The following SLC15A2 variants were observed in gnomAD, a reference collection of about 807,000 sequenced individuals.
The protein encoded by SLC15A2 is kidney H(+)/peptide cotransporter.
In SLC15A2, 77 loss-of-function variants were observed where a neutral mutation model predicts 95.5. That is an observed-to-expected ratio of 0.81 (90% CI 0.67 to 0.97). The LOEUF is 0.97. Among genes scored for constraint, SLC15A2 ranks in the 50% least tolerant of loss-of-function variants. The pLI is 0.00. For synonymous variants in SLC15A2, 306 were observed against 306.9 expected (o/e 1.00, Z 0.03); for missense variants, 893 against 874.4 (o/e 1.02, Z -0.27).
intron 18 of SLC15A2, 63 bp from the exon 19 acceptor site, chr3:121,931,576 T>G (rs1300643560): frequency 1.3e-5 from 13 of 1,014,816 alleles, no homozygotes; most frequent in Non-Finnish European, 4.7e-6. Context: ...CACTTTCACC[T>G]GGAGATGGGA....
chr3:121,924,534 C>A, intron 12 of SLC15A2, 151 bp downstream of exon 12: 1 of 752,570 alleles, frequency 1.3e-6, no homozygotes, highest in Non-Finnish European at 2.3e-6. Flanking sequence ...CCCATTAAGC[C>A]CCACCCTTCT....
rs1455360615 is a variant in SLC15A2, at chr3:121,943,258, C to A, written c.*2251C>A. 1.3e-5 allele frequency: 2 copies of A among 151,398 alleles called. No individual in the cohort carries two copies. Among genetic ancestry groups the A allele is most frequent in the Non-Finnish European group, 2.9e-5 (2 of 67,914 alleles). The allele number at this position is 151,398 out of a possible 1,614,324, so 9.4% of individuals were successfully genotyped here. A position where few individuals can be genotyped will look rare whatever the true frequency, so the allele number is the denominator to read the frequency against. On this transcript the variant is annotated 3_prime_UTR_variant, in exon 22 of 22. Coordinates refer to ENST00000489711, the MANE Select transcript of SLC15A2 (RefSeq NM_021082.4). ...TCTAGCCTGGGGGACAAGAGTGAGA[C>A]TTCATCTAAAAAAAAAAAGAAAAGA...
chr3:121,901,694 A>G (rs1709523187), intron 3 of SLC15A2, among the ~76,000 whole-genome samples: 1 of 152,170 alleles, frequency 6.6e-6, no homozygotes, highest in East Asian at 1.9e-4. Flanking sequence ...TTGGAAAATC[A>G]GAAAAAAGAC....
intron 3 of SLC15A2, among the ~76,000 whole-genome samples, chr3:121,908,313 A>G (rs981309588): frequency 6.6e-6 from 1 of 152,176 alleles, no homozygotes; most frequent in African/African-American, 2.4e-5. Context: ...TAGGAAAGGG[A>G]AATCCCCCAA....
intron 19 of SLC15A2, among the ~76,000 whole-genome samples, chr3:121,932,819 G>T (rs1054050062): frequency 1.3e-5 from 2 of 151,992 alleles, no homozygotes; most frequent in Admixed American, 6.6e-5. Context: ...GTGCAGGTTA[G>T]TTACATATGT....
chr3:121,919,634 G>A (rs1709967326), intron 7 of SLC15A2, among the ~76,000 whole-genome samples: 1 of 152,164 alleles, frequency 6.6e-6, no homozygotes, highest in Admixed American at 6.5e-5. Context: ...TCAGGAACCG[G>A]CAAGTCGGTT....
intron 6 of SLC15A2, 64 bp from the exon 7 acceptor site, chr3:121,915,552 A>G (rs1709877371): frequency 7.9e-7 from 1 of 1,266,268 alleles, no homozygotes; most frequent in Non-Finnish European, 1.2e-6. Context: ...CTGAGCTTGT[A>G]GAATAAAACA....
intron 7 of SLC15A2, among the ~76,000 whole-genome samples, chr3:121,917,240 G>A (rs1281046418): frequency 6.6e-6 from 1 of 152,220 alleles, no homozygotes; most frequent in Non-Finnish European, 1.5e-5. Flanking sequence ...GAGCATTCAT[G>A]TTCCCAAAGA....
Position 121,923,104 on chromosome 3 carries a change from T to C in SLC15A2, c.932T>C (p.Met311Thr). Residue 311 changes from methionine to threonine, a missense_variant, in exon 10 of 22, where the codon ATG becomes ACG. By Grantham distance (81) the Met-to-Thr change is moderately conservative. Transcript: ENST00000489711. ...CTATTCCTTTATATCCCATTGCCCATGTTCTGGGCTCTTTTGGATCAGCAG... is the reference window on the plus strand; with the variant it reads ...CTATTCCTTTATATCCCATTGCCCACGTTCTGGGCTCTTTTGGATCAGCAG... ...RVLFLYIPLP[M>T]FWALLDQQGS... 6.2e-7 allele frequency: 1 copy of C among 1,614,016 alleles called. No homozygotes were observed. The highest frequency in any genetic ancestry group is 8.5e-7 in the Non-Finnish European group (1 of 1,179,884).
At chr3:121,934,932 C>A (rs1162728492) in intron 19 of SLC15A2, among the ~76,000 whole-genome samples, 2 of 151,740 alleles carry the variant, frequency 1.3e-5, no homozygotes, top group African/African-American at 4.8e-5. Context: ...TTTTGAAATA[C>A]ATCCCATCAA....
chr3:121,929,041 C>T lies in SLC15A2; in HGVS notation c.1401C>T (p.His467=), dbSNP rs773056233. 1 of 1,614,108 alleles carries T rather than the reference C, an allele frequency of 6.2e-7. No homozygotes were observed. Among genetic ancestry groups the T allele is most frequent in the Non-Finnish European group, 8.5e-7 (1 of 1,179,980 alleles). ...LKTKSQDFHF[H]LKYHNLSLYT... ...CAAAAAGCCAGGATTTTCACTTCCA[C>T]CTGAAATATCACAATTTGTCTCTCT... Residue 467 remains histidine, a synonymous_variant, in exon 16 of 22, where the codon CAC becomes CAT. Coordinates refer to ENST00000489711, the MANE Select transcript of SLC15A2 (RefSeq NM_021082.4).
chr3:121,909,887 T>C (rs1030229769), intron 3 of SLC15A2, among the ~76,000 whole-genome samples: 1 of 152,152 alleles, frequency 6.6e-6, no homozygotes, highest in Non-Finnish European at 1.5e-5. Flanking sequence ...TATCTTCCAA[T>C]GTGGCCCAGG....
intron 3 of SLC15A2, among the ~76,000 whole-genome samples, chr3:121,898,251 C>T (rs1185420511): frequency 1.3e-5 from 2 of 151,990 alleles, no homozygotes; most frequent in Non-Finnish European, 2.9e-5. Flanking sequence ...ATCCCACCTC[C>T]TTTAGGATCT....
intron 3 of SLC15A2, among the ~76,000 whole-genome samples, chr3:121,905,350 C>T (rs1709613809): frequency 6.6e-6 from 1 of 152,148 alleles, no homozygotes; most frequent in East Asian, 1.9e-4. Flanking sequence ...CTATCTCCTT[C>T]AGTTCTGCTC....
rs1237992820 is a variant in SLC15A2, at chr3:121,943,691, A to G, written c.*2684A>G. On this transcript the variant is annotated 3_prime_UTR_variant, in exon 22 of 22. Coordinates refer to ENST00000489711, the MANE Select transcript of SLC15A2 (RefSeq NM_021082.4). ...TGACAGGGATACATTTGAGGAATGC[A>G]TTGTTAGGCAATTTTGTCATTATGC... The G allele has an allele frequency of 6.6e-6, 1 of 152,232 alleles. No individual in the cohort carries two copies. Among genetic ancestry groups the G allele is most frequent in the Non-Finnish European group, 1.5e-5 (1 of 68,042 alleles). The allele number at this position is 152,232 out of a possible 1,614,324, so 9.4% of individuals were successfully genotyped here.
chr3:121,897,369 C>A lies in SLC15A2; in HGVS notation c.194-19C>A. On this transcript the variant is annotated intron_variant, in intron 2 of 21. Coordinates refer to ENST00000489711, the MANE Select transcript of SLC15A2 (RefSeq NM_021082.4). ...ATCTTGTTTTGTCTCCCCACGCCTC[C>A]TTTTTTTTCCCACTACAGCTGTGCT... The A allele has an allele frequency of 1.2e-6, 2 of 1,610,374 alleles. No individual in the cohort carries two copies. Among genetic ancestry groups the A allele is most frequent in the Non-Finnish European group, 1.7e-6 (2 of 1,178,508 alleles).
At chr3:121,896,538 C>A in intron 2 of SLC15A2, 45 bp downstream of exon 2, 1 of 1,425,274 alleles carries the variant, frequency 7.0e-7, no homozygotes, top group Non-Finnish European at 9.9e-7. Context: ...TCCACCCACC[C>A]TCACCCCATG....
chr3:121,936,450 T>C (rs534220418), intron 19 of SLC15A2, among the ~76,000 whole-genome samples: 33 of 152,076 alleles, frequency 2.2e-4, no homozygotes, highest in Admixed American at 6.6e-4. Flanking sequence ...TGGGTGCTCC[T>C]GTATTGGGTG....
intron 7 of SLC15A2, 31 bp from the exon 8 acceptor site, chr3:121,922,189 G>T (rs765841060): frequency 1.9e-6 from 3 of 1,581,708 alleles, no homozygotes; most frequent in Admixed American, 1.7e-5. Flanking sequence ...TAAATGAGAA[G>T]CTAAGAACCT....
Sources: allele counts gnomAD v4.1 joint callset (sites outside exome capture counted in the v4.1 genomes callset), GRCh38; gene constraint gnomAD v4.1.1; transcripts MANE v1.5; gene names NCBI Gene and HGNC (gene_info 2026-07-23, HGNC 2026-07-21).